ACSM1: variants seen among roughly 807,000 people sequenced by gnomAD.
ACSM1 encodes the protein acyl-CoA synthetase medium chain family member 1.
In ACSM1, 79 loss-of-function variants were observed where a neutral mutation model predicts 75.8. The ratio of observed to expected loss-of-function variants is 1.04; its 90% CI spans 0.87 to 1.26. The LOEUF is 1.26. Among genes scored for constraint, ACSM1 ranks in the 50% most tolerant of loss-of-function variants. The probability of loss-of-function intolerance (pLI) is 0.00; values close to 1 mark genes in which losing one functional copy is unlikely to be tolerated. For missense variants in ACSM1, 676 were observed against 720.1 expected, an observed-to-expected ratio of 0.94 and a Z score of 0.70; for synonymous variants, 279 against 265.8, an observed-to-expected ratio of 1.05 and a Z score of -0.48.
chr16:20,641,796 T>C (rs1024169326), intron 7 of ACSM1, among the ~76,000 whole-genome samples: 3 of 152,136 alleles, frequency 2.0e-5, no homozygotes, highest in Admixed American at 6.5e-5. Context: ...TGTGGGGTGA[T>C]GAAGACCCTG....
At chr16:20,660,685 T>A (rs1160049288) in intron 7 of ACSM1, among the ~76,000 whole-genome samples, 1 of 152,170 alleles carries the variant, frequency 6.6e-6, no homozygotes, top group Non-Finnish European at 1.5e-5. Context: ...GTTAGCTCTG[T>A]AAGGGCAATC....
chr16:20,672,471 A>AAAAAAAAAAAAAATATAT (rs1555473775), intron 4 of ACSM1, among the ~76,000 whole-genome samples: 3 of 64,568 alleles, frequency 4.6e-5, no homozygotes, highest in East Asian at 1.3e-3. Context: ...AAAAAAAAAA[A>AAAAAAAAAAAAAATATAT]ATATATATAT....
intron 7 of ACSM1, among the ~76,000 whole-genome samples, chr16:20,641,546 TC>T (rs1461629523): frequency 1.3e-5 from 2 of 152,228 alleles, no homozygotes; most frequent in African/African-American, 4.8e-5. Context: ...TCACAGGTGT[TC>T]ATCATGCACC....
chr16:20,662,788 T>C (rs1399274952), intron 6 of ACSM1, among the ~76,000 whole-genome samples: 5 of 152,126 alleles, frequency 3.3e-5, no homozygotes, highest in Non-Finnish European at 7.4e-5. Flanking sequence ...ATCTCACATT[T>C]ATATATGCTT....
intron 10 of ACSM1, 35 bp downstream of exon 10, chr16:20,636,704 T>TG: frequency 6.6e-7 from 1 of 1,521,054 alleles, no homozygotes; most frequent in Non-Finnish European, 9.1e-7. Flanking sequence ...TTGGGATCCT[T>TG]GGGGCCAGGA....
intron 1 of ACSM1, among the ~76,000 whole-genome samples, chr16:20,692,234 A>AG (rs1208573794): frequency 6.6e-6 from 1 of 152,234 alleles, no homozygotes; most frequent in African/African-American, 2.4e-5. Context: ...CACAGCCCTC[A>AG]GGAAATCCTG....
intron 10 of ACSM1, among the ~76,000 whole-genome samples, chr16:20,630,718 A>G (rs1652410428): frequency 6.6e-6 from 1 of 152,224 alleles, no homozygotes; most frequent in Non-Finnish European, 1.5e-5. Flanking sequence ...GCAGAAGAAC[A>G]CACATTTTTC....
intron 7 of ACSM1, among the ~76,000 whole-genome samples, chr16:20,654,104 A>C (rs1274225571): frequency 2.0e-5 from 3 of 152,192 alleles, no homozygotes; most frequent in Non-Finnish European, 4.4e-5. Context: ...AATACCAAAC[A>C]TCTACAACCA....
At chr16:20,632,221 G>A (rs553768161) in intron 10 of ACSM1, among the ~76,000 whole-genome samples, 51 of 152,030 alleles carry the variant, frequency 3.4e-4, no homozygotes, top group Admixed American at 3.3e-3. Context: ...AGCAGAAGCA[G>A]GAAATAAAGA....
chr16:20,655,592 A>T (rs984541256), intron 7 of ACSM1, among the ~76,000 whole-genome samples: 4 of 152,170 alleles, frequency 2.6e-5, no homozygotes, highest in Non-Finnish European at 5.9e-5. Flanking sequence ...TAATATTTTT[A>T]AAAATGCAGT....
intron 3 of ACSM1, among the ~76,000 whole-genome samples, chr16:20,683,573 C>T (rs2079488576): frequency 6.6e-6 from 1 of 152,040 alleles, no homozygotes; most frequent in Admixed American, 6.6e-5. Context: ...ATGCCTCACC[C>T]CATGCTTGGA....
rs956843307 is a variant in ACSM1, at chr16:20,624,010, C to T, written c.1647+86G>A. The T allele has an allele frequency of 1.7e-5, 26 of 1,562,676 alleles. No homozygotes were observed. The East Asian group carries it at 3.3e-4, about 20-fold the overall frequency. ...TGTTGTAAACCTCCATTGTTTGGGG[C>T]TGTTTGTTACCTCCAGTGATACCTA... On this transcript the variant is annotated intron_variant, in intron 13 of 13. Coordinates refer to ENST00000520010, the MANE Select transcript of ACSM1 (RefSeq NM_001318890.3).
At position 20,648,339 on chromosome 16, in the gene ACSM1, C is replaced by G. The variant is rs896580864; in HGVS notation, c.993-7755G>C. 1.3e-5 allele frequency among the ~76,000 whole-genome samples: 2 copies of G among 152,194 alleles called. No homozygotes were observed. Among genetic ancestry groups the G allele is most frequent in the African/African-American group, 4.8e-5 (2 of 41,442 alleles). On this transcript the variant is annotated intron_variant, in intron 7 of 13. Transcript: ENST00000520010. The surrounding 1 kb of genome is among the most constrained non-coding windows in gnomAD (Gnocchi z 4.2). ...CTTGCCACTCAACCTGATTTACCAA[C>G]ATAACCTGTTTCTGGCCATGCTCTC...
chr16:20,688,084 CAAAA>C lies in ACSM1; in HGVS notation c.193-2685_193-2682del, dbSNP rs34719963. The stretch of plus-strand genomic sequence containing the variant: ...TGGGAGACTAAGCAAAACTCTGTCT[CAAAA>C]AAAAAAAAAAGAAAGAACCAAACAA... On this transcript the variant is annotated intron_variant, in intron 2 of 13. Transcript: ENST00000520010. 3.1e-5 allele frequency among the ~76,000 whole-genome samples: 3 copies of C among 95,466 alleles called. No individual in the cohort carries two copies. The East Asian group carries it at 9.2e-4, about 29-fold the overall frequency. The allele number at this position is 95,466 out of a possible 152,430, so 62.6% of individuals were successfully genotyped here. A position where few individuals can be genotyped will look rare whatever the true frequency, so the allele number is the denominator to read the frequency against.
chr16:20,685,639 G>A (rs1332504716), intron 2 of ACSM1, among the ~76,000 whole-genome samples: 3 of 151,782 alleles, frequency 2.0e-5, no homozygotes, highest in African/African-American at 4.8e-5. Flanking sequence ...GACCAACATG[G>A]TGAAACCCTG....
intron 2 of ACSM1, among the ~76,000 whole-genome samples, chr16:20,686,015 C>T (rs1567311328): frequency 6.6e-6 from 1 of 151,906 alleles, no homozygotes; most frequent in Non-Finnish European, 1.5e-5. Flanking sequence ...ATGGACTGTG[C>T]ATTCTTCTCT....
At chr16:20,692,286 T>C (rs976166128) in intron 1 of ACSM1, among the ~76,000 whole-genome samples, 1 of 152,222 alleles carries the variant, frequency 6.6e-6, no homozygotes, top group South Asian at 2.1e-4. Context: ...CTTGGTTTTA[T>C]ATACTTTAGG....
chr16:20,663,739 T>C (rs1313895416), intron 6 of ACSM1, among the ~76,000 whole-genome samples: 1 of 150,700 alleles, frequency 6.6e-6, no homozygotes, highest in Admixed American at 6.6e-5. Context: ...TGCTGGTATC[T>C]TTCTACTTTC....
chr16:20,656,199 G>GT, intron 7 of ACSM1, among the ~76,000 whole-genome samples: 1 of 152,142 alleles, frequency 6.6e-6, no homozygotes, highest in African/African-American at 2.4e-5. Flanking sequence ...CTGCATGCCT[G>GT]TTATATCTCT....
Sources: gnomAD v4.1 joint callset for allele counts (sites outside exome capture counted in the v4.1 genomes callset) on GRCh38, gnomAD v4.1.1 for gene constraint, Gnocchi (gnomAD v3.1) non-coding constraint, MANE v1.5 for transcripts, NCBI Gene and HGNC (gene_info 2026-07-23, HGNC 2026-07-21) for gene names.